ATP11A: variants seen among roughly 807,000 people sequenced by gnomAD.
ATP11A encodes ATPase phospholipid transporting 11A.
ATP11A carries 81 observed loss-of-function variants against 154.4 expected under a neutral mutation model. The ratio of observed to expected loss-of-function variants is 0.52; its 90% CI spans 0.44 to 0.63. ATP11A has a LOEUF of 0.63. Ranked by LOEUF, ATP11A falls within the 30% of genes least tolerant of loss-of-function variation. The pLI is 0.00. For missense variants in ATP11A, 1,316 were observed against 1,474.3 expected (o/e 0.89, Z 1.76); for synonymous variants, 623 against 585.9 (o/e 1.06, Z -0.91).
intron 17 of ATP11A, among the ~76,000 whole-genome samples, chr13:112,844,197 T>C (rs1047122405): frequency 1.3e-5 from 2 of 152,152 alleles, no homozygotes; most frequent in Non-Finnish European, 2.9e-5. Flanking sequence ...TGGTCCTCCA[T>C]GGAGGGTCTT....
At chr13:112,756,437 C>G (rs1180454914) in intron 1 of ATP11A, among the ~76,000 whole-genome samples, 1 of 152,192 alleles carries the variant, frequency 6.6e-6, no homozygotes, top group Non-Finnish European at 1.5e-5. Flanking sequence ...AGGAGAGGCA[C>G]CTGTATCTGC....
chr13:112,840,230 G>A (rs11842320), intron 16 of ATP11A, among the ~76,000 whole-genome samples: 8 of 74,080 alleles, frequency 1.1e-4, no homozygotes, highest in African/African-American at 6.2e-5. Context: ...CCACTCTCCC[G>A]TGCCCTCCAG....
In ATP11A at chr13:112,858,174, G is replaced by A; in HGVS notation, c.2551G>A (p.Ala851Thr). ...CATCGGCAAGGAAGGCCGCCAGGCT[G>A]CCAGGAACAGCGACTATGCAATCCC... ...GVIGKEGRQA[A>T]RNSDYAIPKF... The change falls in exon 22 of 30, where the codon GCC becomes ACC. Residue 851 changes from alanine (A) to threonine (T), a missense_variant. Ala to Thr is a moderately conservative substitution (Grantham distance 58). This residue lies in a region of ATP11A where 876 missense variants were observed against 1,006.8 expected (regional missense o/e 0.87). Coordinates refer to ENST00000375645, the MANE Select transcript of ATP11A (RefSeq NM_015205.3). 1 of 1,613,834 alleles carries A rather than the reference G, an allele frequency of 6.2e-7. No individual in the cohort carries two copies. The highest frequency in any genetic ancestry group is 8.5e-7 in the Non-Finnish European group (1 of 1,179,912).
At chr13:112,811,161 A>ACAC in intron 5 of ATP11A, among the ~76,000 whole-genome samples, 1 of 115,582 alleles carries the variant, frequency 8.7e-6, no homozygotes, top group Non-Finnish European at 1.7e-5. Flanking sequence ...TGCCCCTTCC[A>ACAC]ACACACACAC....
At chr13:112,767,529 G>A (rs112038792) in intron 1 of ATP11A, among the ~76,000 whole-genome samples, 6,199 of 147,786 alleles carry the variant, frequency 0.042, 313 homozygotes, top group South Asian at 0.084. Context: ...GGGCCCCTGT[G>A]GGAAGGTAGG....
At position 112,726,313 on chromosome 13, in the gene ATP11A, C is replaced by T. The variant is rs184088437; in HGVS notation, c.39+35858C>T. ...GCAGGGAGAGGGGCTGGGGGCACAG[C>T]GTGCATGCAAAGAGAAGGCCTGGGG... is the stretch of plus-strand genomic sequence containing the variant. On this transcript the variant is annotated intron_variant, in intron 1 of 29. Transcript: ENST00000375645. Among the ~76,000 whole-genome samples, 187 of 140,316 alleles carry T rather than the reference C, an allele frequency of 1.3e-3. No individual in the cohort carries two copies. In the East Asian group the frequency reaches 0.013, roughly 10 times the overall value. 92.1% of individuals were successfully genotyped at this position (140,316 alleles called of 152,430 possible).
At chr13:112,764,030 T>G (rs1197775078) in intron 1 of ATP11A, among the ~76,000 whole-genome samples, 1 of 152,246 alleles carries the variant, frequency 6.6e-6, no homozygotes, top group Non-Finnish European at 1.5e-5. Flanking sequence ...AGATACTTTT[T>G]GATATAAACG....
At position 112,875,778 on chromosome 13, in the gene ATP11A, C is replaced by T. The variant is rs1183747244; in HGVS notation, c.3164C>T (p.Pro1055Leu). Residue 1055 changes from proline to leucine, a missense_variant and splice_region_variant, in exon 28 of 30, where the codon CCG becomes CTG. Pro to Leu is a moderately conservative substitution (Grantham distance 98). Coordinates refer to ENST00000375645, the MANE Select transcript of ATP11A (RefSeq NM_015205.3). The surrounding 1 kb of genome is among the most constrained non-coding windows in gnomAD (Gnocchi z 4.1). ...GGCTTCTCTTCCCTGCCCCTCAGGC[C>T]GTTCCTCAACTACCAGAGGATGTAC... ...FSLLWGGVIW[P>L]FLNYQRMYYV... is the part of the protein sequence containing the mutation. 5.6e-6 allele frequency: 9 copies of T among 1,613,038 alleles called. No individual in the cohort carries two copies. Among genetic ancestry groups the T allele is most frequent in the Middle Eastern group, 1.6e-4 (1 of 6,076 alleles).
intron 1 of ATP11A, among the ~76,000 whole-genome samples, chr13:112,758,379 TAAG>T (rs1319952741): frequency 6.6e-6 from 1 of 151,666 alleles, no homozygotes; most frequent in African/African-American, 2.4e-5. Flanking sequence ...ACATTTGAAG[TAAG>T]AAGAATGGAT....
intron 1 of ATP11A, among the ~76,000 whole-genome samples, chr13:112,694,858 AAAAT>A (rs1885613220): frequency 6.6e-6 from 1 of 152,224 alleles, no homozygotes; most frequent in African/African-American, 2.4e-5. Context: ...TTCTAAGAGA[AAAAT>A]AAACATTTTT....
chr13:112,874,641 A>AT (rs1347340589), intron 27 of ATP11A, among the ~76,000 whole-genome samples: 20 of 151,794 alleles, frequency 1.3e-4, no homozygotes, highest in Non-Finnish European at 2.8e-4. Context: ...CCTGGGCGGG[A>AT]CTCTCAGCCC....
intron 1 of ATP11A, among the ~76,000 whole-genome samples, chr13:112,711,197 A>AT (rs1040423452): frequency 6.6e-6 from 1 of 152,226 alleles, no homozygotes; most frequent in Non-Finnish European, 1.5e-5. Context: ...AGCCAGAGCC[A>AT]TTTAAAAAAA....
chr13:112,826,049 C>G (rs1461555996), intron 11 of ATP11A, among the ~76,000 whole-genome samples: 1 of 151,988 alleles, frequency 6.6e-6, no homozygotes, highest in Non-Finnish European at 1.5e-5. Context: ...ATGAACAAAC[C>G]CAGACCCATA....
intron 18 of ATP11A, chr13:112,851,854 A>G (rs541890622): frequency 6.6e-6 from 1 of 152,330 alleles, no homozygotes; most frequent in Non-Finnish European, 1.5e-5. Flanking sequence ...ATCAACAACT[A>G]ACTCTGTTCC....
At chr13:112,867,318 C>T (rs573948438) in intron 25 of ATP11A, among the ~76,000 whole-genome samples, 6 of 152,216 alleles carry the variant, frequency 3.9e-5, no homozygotes, top group Admixed American at 6.5e-5. Context: ...CATACCCGGA[C>T]GTCCGGCTCC....
intron 25 of ATP11A, among the ~76,000 whole-genome samples, chr13:112,867,681 T>G (rs2140397455): frequency 6.6e-6 from 1 of 152,312 alleles, no homozygotes; most frequent in East Asian, 1.9e-4. Context: ...CCTGGTCTCT[T>G]CCGGCTGTAC....
chr13:112,748,874 T>G (rs1388696285), intron 1 of ATP11A, among the ~76,000 whole-genome samples: 1 of 152,216 alleles, frequency 6.6e-6, no homozygotes. Context: ...CTGGAGGAGC[T>G]TCGAGGTCAT....
chr13:112,789,458 C>A (rs961722548), intron 2 of ATP11A, among the ~76,000 whole-genome samples: 2 of 144,612 alleles, frequency 1.4e-5, no homozygotes, highest in Non-Finnish European at 3.0e-5. Flanking sequence ...ACATATAGAC[C>A]CTTGCGGAGA....
At chr13:112,703,926 G>C (rs960647058) in intron 1 of ATP11A, among the ~76,000 whole-genome samples, 2 of 152,188 alleles carry the variant, frequency 1.3e-5, no homozygotes, top group Admixed American at 1.3e-4. Flanking sequence ...GAGGCTGCTG[G>C]ATCATGATCT....
Sources: allele counts gnomAD v4.1 joint callset (sites outside exome capture counted in the v4.1 genomes callset), GRCh38; gene constraint gnomAD v4.1.1; regional missense constraint gnomAD v4.1.1; non-coding constraint Gnocchi (gnomAD v3.1); transcripts MANE v1.5; gene names NCBI Gene and HGNC (gene_info 2026-07-23, HGNC 2026-07-21).